Variants in FREM2 observed in about 807,000 individuals in gnomAD.
FREM2 encodes the protein FRAS1 related extracellular matrix 2.
Under a neutral mutation model 219.9 loss-of-function variants are expected in FREM2, and 119 were observed. The ratio of observed to expected loss-of-function variants is 0.54; its 90% CI spans 0.47 to 0.63. The LOEUF is 0.63. Ranked by LOEUF, FREM2 falls within the 30% of genes least tolerant of loss-of-function variation. The pLI is 0.00. For missense variants in FREM2, 4,030 were observed against 3,993.6 expected, an observed-to-expected ratio of 1.01 and a Z score of -0.25; for synonymous variants, 1,562 against 1,522.8, an observed-to-expected ratio of 1.03 and a Z score of -0.60.
At chr13:38,738,312 T>C (rs1284481031) in intron 2 of FREM2, among the ~76,000 whole-genome samples, 2 of 152,050 alleles carry the variant, frequency 1.3e-5, no homozygotes, top group African/African-American at 4.8e-5. Flanking sequence ...ACACCTGTAA[T>C]CTCAGTACTT....
At position 38,691,493 on chromosome 13, in the gene FREM2, C is replaced by T. The variant is rs761778067; in HGVS notation, c.4149C>T (p.Val1383=). 16 of 1,613,984 alleles carry T rather than the reference C, an allele frequency of 9.9e-6. No homozygotes were observed. In the South Asian group the frequency reaches 1.8e-4, roughly 18 times the overall value. Residue 1383 remains valine (V), a synonymous_variant, in exon 1 of 24, where the codon GTC becomes GTT. Transcript: ENST00000280481. ...DEVDRNLIQY[V]HLGQEGIRDL... is the part of the protein sequence containing the mutation. ...TAGACAGAAACTTAATTCAGTATGTCCATTTGGGGCAAGAGGGCATTCGGG... is the reference window on the plus strand; with the variant it reads ...TAGACAGAAACTTAATTCAGTATGTTCATTTGGGGCAAGAGGGCATTCGGG...
chr13:38,827,158 T>C (rs1876322041), intron 6 of FREM2, among the ~76,000 whole-genome samples: 1 of 152,168 alleles, frequency 6.6e-6, no homozygotes, highest in Admixed American at 6.6e-5. Context: ...TACCTTATGT[T>C]TGAATCCTCC....
chr13:38,802,872 A>G (rs373234603), intron 6 of FREM2, among the ~76,000 whole-genome samples: 3 of 152,110 alleles, frequency 2.0e-5, no homozygotes, highest in Non-Finnish European at 4.4e-5. Context: ...TAGAGGGAAT[A>G]TGGAGCCCTG....
chr13:38,784,686 T>C lies in FREM2; in HGVS notation c.5897T>C (p.Ile1966Thr), dbSNP rs926364662. The part of the protein sequence containing the change: ...EREKLCRIVI[I>T]DDSLYEEEET... ...GAGAAACTGTGTCGGATAGTCATAA[T>C]TGATGACTCTTTGTACGAGGAGGAG... The change falls in exon 6 of 24, where the codon ATT becomes ACT. Residue 1966 changes from isoleucine (I) to threonine (T), a missense_variant. Physicochemically the swap from Ile to Thr is moderately conservative, Grantham distance 89 (BLOSUM62 -1). Transcript: ENST00000280481. 4 of 1,614,028 alleles carry C rather than the reference T, an allele frequency of 2.5e-6. No individual in the cohort carries two copies. Among genetic ancestry groups the C allele is most frequent in the Non-Finnish European group, 3.4e-6 (4 of 1,180,008 alleles).
At chr13:38,694,519 GCT>G (rs1180491527) in intron 1 of FREM2, among the ~76,000 whole-genome samples, 1 of 152,176 alleles carries the variant, frequency 6.6e-6, no homozygotes, top group African/African-American at 2.4e-5. Flanking sequence ...TGAAAGCAGT[GCT>G]TAAGAGTGAA....
At chr13:38,743,557 C>A (rs1261004277) in intron 2 of FREM2, among the ~76,000 whole-genome samples, 1 of 152,136 alleles carries the variant, frequency 6.6e-6, no homozygotes, top group Non-Finnish European at 1.5e-5. Flanking sequence ...AGCCCAGAAT[C>A]TCAAATGGTA....
intron 6 of FREM2, among the ~76,000 whole-genome samples, chr13:38,812,018 C>G (rs1875498558): frequency 6.6e-6 from 1 of 152,152 alleles, no homozygotes; most frequent in South Asian, 2.1e-4. Context: ...TATCTTCTTA[C>G]TGAATTAACC....
At chr13:38,700,398 C>G (rs1292992492) in intron 2 of FREM2, among the ~76,000 whole-genome samples, 1 of 152,044 alleles carries the variant, frequency 6.6e-6, no homozygotes, top group Non-Finnish European at 1.5e-5. Flanking sequence ...AGAGCACTAT[C>G]TGAGCAACAG....
At chr13:38,794,540 C>T (rs747126116) in intron 6 of FREM2, among the ~76,000 whole-genome samples, 1 of 151,894 alleles carries the variant, frequency 6.6e-6, no homozygotes, top group Non-Finnish European at 1.5e-5. Context: ...GCTTTTTGAC[C>T]ATCTTTGTTG....
rs777079243 is a variant in FREM2, at chr13:38,851,809, G to C, written c.6866G>C (p.Arg2289Thr). ...QGDTSKVSIVRVHTKDGSATS... is the reference protein window; with the variant it reads ...QGDTSKVSIVTVHTKDGSATS... ...GACACTTCAAAGGTTTCCATTGTGA[G>C]AGTCCACACCAAGGATGGCTCGGCC... The change falls in exon 11 of 24, where the codon AGA becomes ACA. Residue 2289 changes from arginine (R) to threonine (T), a missense_variant. Physicochemically the swap from Arg to Thr is moderately conservative, Grantham distance 71 (BLOSUM62 -1). Transcript: ENST00000280481. The C allele has an allele frequency of 1.2e-6, 2 of 1,613,998 alleles. No individual in the cohort carries two copies. The highest frequency in any genetic ancestry group is 1.1e-5 in the South Asian group (1 of 91,078).
chr13:38,824,653 G>C (rs1286301816), intron 6 of FREM2, among the ~76,000 whole-genome samples: 1 of 152,028 alleles, frequency 6.6e-6, no homozygotes, highest in African/African-American at 2.4e-5. Context: ...CTTGAGCTGA[G>C]TTGGTTCTGG....
intron 16 of FREM2, among the ~76,000 whole-genome samples, chr13:38,869,201 C>T (rs1232481933): frequency 6.6e-6 from 1 of 152,142 alleles, no homozygotes; most frequent in Non-Finnish European, 1.5e-5. Context: ...AAAATATTGC[C>T]AAGTCCCTGC....
intron 6 of FREM2, among the ~76,000 whole-genome samples, chr13:38,842,101 G>C (rs533365712): frequency 8.5e-5 from 13 of 152,320 alleles, no homozygotes; most frequent in African/African-American, 3.1e-4. Flanking sequence ...TAGAGCAAAG[G>C]CTGGGAGGGG....
chr13:38,831,388 A>G (rs1876502786), intron 6 of FREM2, among the ~76,000 whole-genome samples: 1 of 152,130 alleles, frequency 6.6e-6, no homozygotes, highest in Non-Finnish European at 1.5e-5. Flanking sequence ...CATTGATGAT[A>G]GAATCTCTGA....
At chr13:38,806,703 G>T (rs1394260131) in intron 6 of FREM2, among the ~76,000 whole-genome samples, 1 of 151,912 alleles carries the variant, frequency 6.6e-6, no homozygotes, top group Admixed American at 6.6e-5. Context: ...GATCAGGGTT[G>T]CGGAAGGTTG....
chr13:38,848,526 G>A lies in FREM2; in HGVS notation c.6235G>A (p.Val2079Ile), dbSNP rs115324886. ...TGCACCTGGAGTCAACATGCAGCCTGTTCGTGTTGTCATTCTGGATGACCT... is the reference window on the plus strand; with the variant it reads ...TGCACCTGGAGTCAACATGCAGCCTATTCGTGTTGTCATTCTGGATGACCT... ...DFAPGVNMQP[V>I]RVVILDDLGQ... Residue 2079 changes from valine to isoleucine, a missense_variant, in exon 8 of 24, where the codon GTT (valine) becomes ATT (isoleucine). By Grantham distance (29) the Val-to-Ile change is conservative. This residue lies in a region of FREM2 where 3,102 missense variants were observed against 2,950.7 expected (regional missense o/e 1.05). Coordinates refer to ENST00000280481, the MANE Select transcript of FREM2 (RefSeq NM_207361.6). 11 of 1,614,054 alleles carry A rather than the reference G, an allele frequency of 6.8e-6. No individual in the cohort carries two copies. In the African/African-American group the frequency reaches 1.3e-4, roughly 20 times the overall value.
At position 38,733,759 on chromosome 13, in the gene FREM2, T is replaced by C. The variant is rs560325558; in HGVS notation, c.5264-30545T>C. Among the ~76,000 whole-genome samples, 4 of 152,310 alleles carry C rather than the reference T, an allele frequency of 2.6e-5. No homozygotes were observed. In the South Asian group the frequency reaches 8.3e-4, roughly 32 times the overall value. ...CTGGCCTCAAACAATCCTCTTGCCT[T>C]GGCCTCCCAAAGTGCTAGGATTATA... On this transcript the variant is annotated intron_variant, in intron 2 of 23. Transcript: ENST00000280481.
At chr13:38,809,491 T>G (rs1323321897) in intron 6 of FREM2, among the ~76,000 whole-genome samples, 1 of 152,002 alleles carries the variant, frequency 6.6e-6, no homozygotes, top group Non-Finnish European at 1.5e-5. Context: ...TCCATTTTTA[T>G]TTGATGTTTG....
intron 12 of FREM2, 106 bp downstream of exon 12, chr13:38,856,362 C>G: frequency 9.7e-7 from 1 of 1,035,160 alleles, no homozygotes; most frequent in South Asian, 1.3e-5. Flanking sequence ...TTTGAACAAG[C>G]CTTACGTGAA....
Sources: allele counts gnomAD v4.1 joint callset (sites outside exome capture counted in the v4.1 genomes callset), GRCh38; gene constraint gnomAD v4.1.1; regional missense constraint gnomAD v4.1.1; transcripts MANE v1.5; gene names NCBI Gene and HGNC (gene_info 2026-07-23, HGNC 2026-07-21).